TMEM108: variants seen among roughly 807,000 people sequenced by gnomAD.
TMEM108 encodes transmembrane protein 108.
Under a neutral mutation model 35.1 loss-of-function variants are expected in TMEM108, and 12 were observed. The observed-to-expected ratio is 0.34, with a 90% confidence interval of 0.22 to 0.55. The LOEUF (loss-of-function observed/expected upper bound fraction) is 0.55, where lower values mean the gene tolerates loss of function less well. Among genes scored for constraint, TMEM108 ranks in the 20% least tolerant of loss-of-function variants. The probability of loss-of-function intolerance (pLI) is 0.89; values close to 1 mark genes in which losing one functional copy is unlikely to be tolerated. For missense variants in TMEM108, 680 were observed against 753.3 expected (o/e 0.90, Z 1.14); for synonymous variants, 287 against 308.6 (o/e 0.93, Z 0.73).
intron 3 of TMEM108, among the ~76,000 whole-genome samples, chr3:133,250,798 C>T (rs1403254049): frequency 6.6e-6 from 1 of 152,142 alleles, no homozygotes; most frequent in Admixed American, 6.6e-5. Context: ...TAATTTACAA[C>T]ATAACTATTA....
At chr3:133,053,775 T>G (rs1211727969) in intron 2 of TMEM108, among the ~76,000 whole-genome samples, 3 of 152,204 alleles carry the variant, frequency 2.0e-5, no homozygotes, top group Non-Finnish European at 4.4e-5. Flanking sequence ...TATTCTACTT[T>G]TAGATCATTA....
chr3:133,113,286 A>G (rs1004088823), intron 2 of TMEM108, among the ~76,000 whole-genome samples: 1 of 152,162 alleles, frequency 6.6e-6, no homozygotes, highest in Non-Finnish European at 1.5e-5. Flanking sequence ...AGTATTTCTC[A>G]TGGATGAAAT....
intron 2 of TMEM108, among the ~76,000 whole-genome samples, chr3:133,124,494 G>A (rs9864890): frequency 0.55 from 83,897 of 152,004 alleles, 23,527 homozygotes; most frequent in Admixed American, 0.61. Context: ...GCCTGTGGAC[G>A]TTTTTTCACC....
intron 4 of TMEM108, among the ~76,000 whole-genome samples, chr3:133,385,643 C>T (rs2073129722): frequency 6.6e-6 from 1 of 152,322 alleles, no homozygotes; most frequent in Middle Eastern, 3.4e-3. Context: ...AACAAAGGGG[C>T]CAAACTGAAA....
intron 2 of TMEM108, among the ~76,000 whole-genome samples, chr3:133,068,938 G>C (rs1943643833): frequency 6.6e-6 from 1 of 152,084 alleles, no homozygotes; most frequent in South Asian, 2.1e-4. Context: ...ATATAGACAG[G>C]GAAGGATGAG....
At chr3:133,212,639 G>A (rs1945848586) in intron 2 of TMEM108, among the ~76,000 whole-genome samples, 1 of 152,112 alleles carries the variant, frequency 6.6e-6, no homozygotes, top group African/African-American at 2.4e-5. Context: ...GGCCAAGGCA[G>A]GTGGATCACC....
intron 4 of TMEM108, chr3:133,387,166 C>T: frequency 1.0e-6 from 1 of 985,430 alleles, no homozygotes; most frequent in South Asian, 4.7e-5. Context: ...GTTGGGAGAA[C>T]AAGAAGAGAA....
chr3:133,082,575 G>A (rs1943826730), intron 2 of TMEM108, among the ~76,000 whole-genome samples: 1 of 152,096 alleles, frequency 6.6e-6, no homozygotes, highest in Non-Finnish European at 1.5e-5. Flanking sequence ...CCTCTTTCCT[G>A]TTAAAAATAT....
At chr3:133,154,399 C>A (rs1944846514) in intron 2 of TMEM108, among the ~76,000 whole-genome samples, 1 of 152,086 alleles carries the variant, frequency 6.6e-6, no homozygotes, top group Non-Finnish European at 1.5e-5. Context: ...CCTAGGTTTT[C>A]TTCTAGGGTT....
chr3:133,105,172 A>G (rs1237298480), intron 2 of TMEM108, among the ~76,000 whole-genome samples: 2 of 152,312 alleles, frequency 1.3e-5, no homozygotes, highest in South Asian at 2.1e-4. Context: ...GTCAGGTGGC[A>G]TAGGGTCAAA....
intron 2 of TMEM108, among the ~76,000 whole-genome samples, chr3:133,147,679 A>G (rs770294945): frequency 6.6e-6 from 1 of 152,178 alleles, no homozygotes; most frequent in East Asian, 1.9e-4. Context: ...ACAACCTACT[A>G]CCTATTGCTG....
intron 3 of TMEM108, among the ~76,000 whole-genome samples, chr3:133,302,904 A>G (rs188578449): frequency 3.3e-5 from 5 of 152,120 alleles, no homozygotes; most frequent in African/African-American, 7.2e-5. Context: ...CTCATGCTCC[A>G]CTTATTTCAC....
In TMEM108 at chr3:133,370,634, CTTTTT is replaced by C. The variant is rs369041414; in HGVS notation, c.41-9117_41-9113del. ...GAGATGTTCCATGAATATTAATGATCTTTTTATTTTATCAGAGGCTGAGTTGACCT... is the reference window on the plus strand; with the variant it reads ...GAGATGTTCCATGAATATTAATGATCATTTTATCAGAGGCTGAGTTGACCT... On this transcript the variant is annotated intron_variant, in intron 3 of 5. Transcript: ENST00000321871. Among the ~76,000 whole-genome samples the C allele has an allele frequency of 1.4e-4, 22 of 152,230 alleles. No individual in the cohort carries two copies. In the East Asian group the frequency reaches 4.1e-3, roughly 28 times the overall value.
At chr3:133,109,213 C>T (rs544475861) in intron 2 of TMEM108, among the ~76,000 whole-genome samples, 2 of 152,212 alleles carry the variant, frequency 1.3e-5, no homozygotes, top group South Asian at 4.2e-4. Context: ...ACTGAATTCC[C>T]CTGGGTCACA....
intron 3 of TMEM108, among the ~76,000 whole-genome samples, chr3:133,348,960 CTA>C (rs368972419): frequency 2.0e-5 from 3 of 152,036 alleles, no homozygotes; most frequent in Admixed American, 6.6e-5. Flanking sequence ...GGCAGACAAA[CTA>C]TTGGGGGAAA....
At chr3:133,094,668 T>A (rs1314338394) in intron 2 of TMEM108, among the ~76,000 whole-genome samples, 1 of 152,204 alleles carries the variant, frequency 6.6e-6, no homozygotes, top group East Asian at 1.9e-4. Context: ...CAGGGATAGT[T>A]AGCAGTTTCT....
chr3:133,058,386 C>T (rs932035345), intron 2 of TMEM108, among the ~76,000 whole-genome samples: 1 of 152,234 alleles, frequency 6.6e-6, no homozygotes, highest in African/African-American at 2.4e-5. Flanking sequence ...GAGAGAATAA[C>T]TTGCCTCTTG....
chr3:133,197,644 T>A (rs2107822250), intron 2 of TMEM108, among the ~76,000 whole-genome samples: 1 of 152,184 alleles, frequency 6.6e-6, no homozygotes, highest in Non-Finnish European at 1.5e-5. Context: ...GGAGAAACTC[T>A]ACAACAGAAA....
At chr3:133,374,399 A>G (rs73209840) in intron 3 of TMEM108, among the ~76,000 whole-genome samples, 1 of 152,024 alleles carries the variant, frequency 6.6e-6, no homozygotes, top group Non-Finnish European at 1.5e-5. Context: ...GGGAAGGAAG[A>G]TCTACTTAGA....
Sources: allele counts gnomAD v4.1 joint callset (sites outside exome capture counted in the v4.1 genomes callset), GRCh38; gene constraint gnomAD v4.1.1; transcripts MANE v1.5; gene names NCBI Gene and HGNC (gene_info 2026-07-23, HGNC 2026-07-21).